Variants in CDKN2B-AS1 observed in about 807,000 individuals in gnomAD.
The protein encoded by CDKN2B-AS1 is CDKN2B and CDKN2A antisense cis and trans regulatory RNA 1, also known as CDKN2B antisense RNA 1 (non-protein coding).
At chr9:22,105,208 A>C (rs1273874437) in intron 4 of CDKN2B-AS1, among the ~76,000 whole-genome samples, 1 of 152,224 alleles carries the variant, frequency 6.6e-6, no homozygotes, top group African/African-American at 2.4e-5. Flanking sequence ...AGGCCGAGGC[A>C]GCTGCACATA....
rs1423869572 is a variant in CDKN2B-AS1, at chr9:22,074,457, T to C, written n.438+18070T>C. On this transcript the variant is annotated intron_variant and non_coding_transcript_variant, in intron 4 of 4. Transcript: ENST00000650946. ...GGACATAGGGGGATGTAGGGAGTAC[T>C]TCAGAGATGCATCTGGTCACTCTCG... Among the ~76,000 whole-genome samples the C allele has an allele frequency of 2.6e-5, 4 of 152,324 alleles. No individual in the cohort carries two copies. In the East Asian group the frequency reaches 7.7e-4, roughly 29 times the overall value.
At chr9:22,065,644 G>A (rs2131305587) in intron 4 of CDKN2B-AS1, 1 of 152,108 alleles carries the variant, frequency 6.6e-6, no homozygotes, top group East Asian at 1.9e-4. Context: ...TACTGACAGT[G>A]ATTTTTTTCC....
intron 4 of CDKN2B-AS1, chr9:22,120,850 T>C (rs1230091100): frequency 6.6e-6 from 1 of 152,124 alleles, no homozygotes; most frequent in Non-Finnish European, 1.5e-5. Flanking sequence ...AATGCTTACC[T>C]AGTGCCAGAT....
chr9:22,124,846 G>A (rs1817991573), intron 4 of CDKN2B-AS1, among the ~76,000 whole-genome samples: 1 of 152,170 alleles, frequency 6.6e-6, no homozygotes, highest in South Asian at 2.1e-4. Flanking sequence ...ATGAGTTATA[G>A]CTATAAAACA....
chr9:22,123,815 A>G (rs1291544337), intron 4 of CDKN2B-AS1, among the ~76,000 whole-genome samples: 1 of 152,224 alleles, frequency 6.6e-6, no homozygotes, highest in Non-Finnish European at 1.5e-5. Flanking sequence ...TTTAAAACAA[A>G]TGGAGAAGAC....
rs144964843 is a variant in CDKN2B-AS1 at position 22,016,244 on chromosome 9, C to T, written n.29+21083C>T. 8.7e-4 allele frequency among the ~76,000 whole-genome samples: 132 copies of T among 152,100 alleles called. 1 individual carries two copies. The East Asian group carries it at 0.022, about 26-fold the overall frequency. On this transcript the variant is annotated intron_variant and non_coding_transcript_variant, in intron 1 of 4. Transcript: ENST00000650946. The stretch of plus-strand genomic sequence containing the variant: ...ATGGTTTTAGGTCTAATACAAGGGA[C>T]GTGAAGGACCTCTTCAAGGAGAACT...
intron 1 of CDKN2B-AS1, chr9:22,029,884 A>G (rs1462646512): frequency 5.8e-6 from 1 of 171,116 alleles, no homozygotes; most frequent in Non-Finnish European, 1.2e-5. Flanking sequence ...ATTTAAGTAT[A>G]GAAAGTAATA....
chr9:22,066,572 G>A (rs1037563046), intron 4 of CDKN2B-AS1, among the ~76,000 whole-genome samples: 1 of 151,616 alleles, frequency 6.6e-6, no homozygotes, highest in Non-Finnish European at 1.5e-5. Context: ...AAGACCCAAT[G>A]GTAACTCTAT....
intron 4 of CDKN2B-AS1, among the ~76,000 whole-genome samples, chr9:22,102,082 G>T (rs753664297): frequency 2.6e-5 from 4 of 152,150 alleles, no homozygotes; most frequent in Non-Finnish European, 5.9e-5. Flanking sequence ...CACTTAAAAT[G>T]CAGGGAATTT....
intron 1 of CDKN2B-AS1, among the ~76,000 whole-genome samples, chr9:22,029,171 C>A (rs905565574): frequency 2.0e-5 from 3 of 152,056 alleles, no homozygotes; most frequent in Non-Finnish European, 4.4e-5. Flanking sequence ...GATCCCCTTC[C>A]CCAAAGGGTG....
intron 4 of CDKN2B-AS1, among the ~76,000 whole-genome samples, chr9:22,116,379 A>G (rs927155722): frequency 3.3e-5 from 5 of 152,226 alleles, no homozygotes; most frequent in Non-Finnish European, 7.3e-5. Flanking sequence ...TAATTAACAG[A>G]TAAAGCCTTT....
chr9:22,103,824 G>A (rs1297443926), intron 4 of CDKN2B-AS1, among the ~76,000 whole-genome samples: 1 of 152,110 alleles, frequency 6.6e-6, no homozygotes, highest in Admixed American at 6.5e-5. Flanking sequence ...AGGCACATTG[G>A]GGTTTTCTGG....
intron 1 of CDKN2B-AS1, among the ~76,000 whole-genome samples, chr9:22,040,627 T>C (rs1450544146): frequency 6.6e-6 from 1 of 151,970 alleles, no homozygotes; most frequent in African/African-American, 2.4e-5. Flanking sequence ...AACTCCTTGA[T>C]ATTCCTGAGT....
At chr9:22,071,711 G>A (rs1824302830) in intron 4 of CDKN2B-AS1, among the ~76,000 whole-genome samples, 1 of 152,058 alleles carries the variant, frequency 6.6e-6, no homozygotes, top group Non-Finnish European at 1.5e-5. Context: ...TTTATATACT[G>A]CTATGTATCC....
intron 4 of CDKN2B-AS1, among the ~76,000 whole-genome samples, chr9:22,070,919 G>A (rs531629313): frequency 1.3e-5 from 2 of 152,236 alleles, no homozygotes; most frequent in African/African-American, 4.8e-5. Flanking sequence ...TTAGGAAGAT[G>A]TAAGCCTAGA....
intron 4 of CDKN2B-AS1, among the ~76,000 whole-genome samples, chr9:22,072,294 T>C (rs1375573687): frequency 4.6e-5 from 7 of 152,222 alleles, no homozygotes; most frequent in African/African-American, 1.7e-4. Flanking sequence ...GCAATTAATT[T>C]GATTCACGAA....
intron 4 of CDKN2B-AS1, among the ~76,000 whole-genome samples, chr9:22,098,992 T>A (rs893881364): frequency 1.3e-5 from 2 of 152,184 alleles, no homozygotes; most frequent in African/African-American, 4.8e-5. Flanking sequence ...AGAAGCCTAA[T>A]ACTAGGCAAG....
chr9:22,071,568 C>T (rs1164476349), intron 4 of CDKN2B-AS1, among the ~76,000 whole-genome samples: 1 of 151,936 alleles, frequency 6.6e-6, no homozygotes, highest in African/African-American at 2.4e-5. Context: ...TCACTTTTGC[C>T]ACTAATTATT....
chr9:22,029,594 T>C, intron 1 of CDKN2B-AS1: 1 of 725,794 alleles, frequency 1.4e-6, no homozygotes. Flanking sequence ...CACCTATTGC[T>C]GTAAGTGCTG....
Sources: allele counts gnomAD v4.1 joint callset (sites outside exome capture counted in the v4.1 genomes callset), GRCh38; gene constraint gnomAD v4.1.1; transcripts MANE v1.5; gene names NCBI Gene and HGNC (gene_info 2026-07-23, HGNC 2026-07-21).